BMP5: variants seen among roughly 807,000 people sequenced by gnomAD.
BMP5 encodes the protein bone morphogenetic protein 5.
Under a neutral mutation model 46.6 loss-of-function variants are expected in BMP5, and 23 were observed. The observed-to-expected ratio is 0.49, with a 90% CI of 0.35 to 0.70. The LOEUF (loss-of-function observed/expected upper bound fraction) is 0.70, where lower values mean the gene tolerates loss of function less well. Ranked by LOEUF, BMP5 falls within the 30% of genes least tolerant of loss-of-function variation. BMP5 has a pLI of 0.00. For synonymous variants in BMP5, 204 were observed against 191.9 expected (o/e 1.06, Z -0.52); for missense variants, 545 against 565.6 (o/e 0.96, Z 0.37).
chr6:55,805,071 C>G (rs1041287774), intron 2 of BMP5, among the ~76,000 whole-genome samples: 2 of 152,072 alleles, frequency 1.3e-5, no homozygotes, highest in African/African-American at 4.8e-5. Flanking sequence ...AACTAATATG[C>G]ACTGGATGGG....
intron 2 of BMP5, among the ~76,000 whole-genome samples, chr6:55,804,845 T>G (rs951748663): frequency 2.6e-5 from 4 of 152,158 alleles, no homozygotes; most frequent in Non-Finnish European, 5.9e-5. Context: ...ATTTTTAATG[T>G]GATAATCATG....
At chr6:55,834,402 C>T (rs1387327477) in intron 1 of BMP5, among the ~76,000 whole-genome samples, 1 of 152,006 alleles carries the variant, frequency 6.6e-6, no homozygotes, top group East Asian at 1.9e-4. Flanking sequence ...ATAAGCAAAA[C>T]TAGATATTCA....
intron 2 of BMP5, among the ~76,000 whole-genome samples, chr6:55,810,858 C>T (rs1776115447): frequency 6.6e-6 from 1 of 152,168 alleles, no homozygotes; most frequent in African/African-American, 2.4e-5. Flanking sequence ...CATTACTACT[C>T]CAGCATATCT....
intron 1 of BMP5, among the ~76,000 whole-genome samples, chr6:55,826,684 A>C (rs2127540862): frequency 6.6e-6 from 1 of 151,548 alleles, no homozygotes; most frequent in South Asian, 2.1e-4. Flanking sequence ...TATATTTAAT[A>C]ATTAAATTAA....
At chr6:55,786,934 A>G (rs1210809982) in intron 3 of BMP5, among the ~76,000 whole-genome samples, 1 of 151,768 alleles carries the variant, frequency 6.6e-6, no homozygotes, top group Admixed American at 6.6e-5. Flanking sequence ...AGGAAATATT[A>G]TCAAATCTTA....
chr6:55,780,504 T>C (rs1291030081), intron 3 of BMP5, among the ~76,000 whole-genome samples: 1 of 117,276 alleles, frequency 8.5e-6, no homozygotes, highest in African/African-American at 3.0e-5. Context: ...GAAAGAAACG[T>C]GGTTACAACT....
intron 1 of BMP5, among the ~76,000 whole-genome samples, chr6:55,845,712 A>T (rs1777082151): frequency 6.6e-6 from 1 of 151,982 alleles, no homozygotes. Flanking sequence ...AGAGGTTGTG[A>T]TGCTTCTCCC....
intron 3 of BMP5, among the ~76,000 whole-genome samples, chr6:55,774,639 A>G (rs2127521450): frequency 6.6e-6 from 1 of 152,112 alleles, no homozygotes; most frequent in East Asian, 1.9e-4. Flanking sequence ...TTAAGTTATA[A>G]AAGCCGAATA....
chr6:55,857,303 A>G lies in BMP5; in HGVS notation c.490+17073T>C, dbSNP rs75246965. Among the ~76,000 whole-genome samples the G allele has an allele frequency of 6.8e-3, 1,041 of 152,324 alleles. 13 individuals carry two copies. The highest frequency in any genetic ancestry group is 0.024 in the African/African-American group (1,007 of 41,580). On this transcript the variant is annotated intron_variant, in intron 1 of 6. Coordinates refer to ENST00000370830, the MANE Select transcript of BMP5 (RefSeq NM_021073.4). ...TGCTATGATACAGTATTGAGACTCAAAAAGTTATTATGTATGATTATAAAA... is the reference window on the plus strand; with the variant it reads ...TGCTATGATACAGTATTGAGACTCAGAAAGTTATTATGTATGATTATAAAA...
intron 3 of BMP5, among the ~76,000 whole-genome samples, chr6:55,774,714 T>C (rs566563803): frequency 6.6e-6 from 1 of 152,100 alleles, no homozygotes; most frequent in Non-Finnish European, 1.5e-5. Flanking sequence ...TTAGTGGTGA[T>C]AGCCTTTCCA....
intron 4 of BMP5, among the ~76,000 whole-genome samples, chr6:55,773,150 G>A (rs1214934923): frequency 1.3e-5 from 2 of 151,864 alleles, no homozygotes; most frequent in Non-Finnish European, 2.9e-5. Flanking sequence ...GCCTGGCAGA[G>A]TGCTATGCAT....
chr6:55,755,640 CACA>C lies in BMP5; in HGVS notation c.1255_1257del (p.Cys419del). ...GAGATGGCATTTAATTTGGTTGGAG[CACA>C]ACAAGGCTTTGGTACGTGGTCAGGA... On this transcript the variant is annotated inframe_deletion, in exon 7 of 7. Coordinates refer to ENST00000370830, the MANE Select transcript of BMP5 (RefSeq NM_021073.4). The C allele has an allele frequency of 6.2e-7, 1 of 1,612,318 alleles. No homozygotes were observed. Among genetic ancestry groups the C allele is most frequent in the Non-Finnish European group, 8.5e-7 (1 of 1,178,872 alleles).
chr6:55,806,776 G>T (rs1265991867), intron 2 of BMP5, among the ~76,000 whole-genome samples: 1 of 152,086 alleles, frequency 6.6e-6, no homozygotes, highest in African/African-American at 2.4e-5. Flanking sequence ...CCTTGAAGAG[G>T]TCCTTCACAT....
At chr6:55,776,849 A>C (rs1392429146) in intron 3 of BMP5, among the ~76,000 whole-genome samples, 1 of 151,908 alleles carries the variant, frequency 6.6e-6, no homozygotes, top group Non-Finnish European at 1.5e-5. Flanking sequence ...AAAGACTTTC[A>C]ATATTTTAAT....
At chr6:55,830,342 C>T (rs1225571459) in intron 1 of BMP5, among the ~76,000 whole-genome samples, 1 of 152,016 alleles carries the variant, frequency 6.6e-6, no homozygotes, top group Non-Finnish European at 1.5e-5. Context: ...TCTCAGTTCA[C>T]AGAGTATTCA....
chr6:55,818,163 G>T (rs1238161624), intron 2 of BMP5, among the ~76,000 whole-genome samples: 1 of 151,906 alleles, frequency 6.6e-6, no homozygotes, highest in Non-Finnish European at 1.5e-5. Context: ...CTCCTTTTGG[G>T]TTCTGGTTGT....
In BMP5 at chr6:55,794,403, GTC is replaced by G; in HGVS notation, c.706_707del (p.Asp236HisfsTer15). 1 of 1,613,874 alleles carries G rather than the reference GTC, an allele frequency of 6.2e-7. No homozygotes were observed. The highest frequency in any genetic ancestry group is 8.5e-7 in the Non-Finnish European group (1 of 1,179,862). On this transcript the variant is annotated frameshift_variant, in exon 3 of 7. Transcript: ENST00000370830. LOFTEE classifies it high-confidence loss of function. The part of the protein sequence containing the change: ...TNRDADLFLL[D>X]TRKAQALDVG... Reference sequence around the variant, plus strand: ...CATCTAAAGCTTGGGCCTTTCTTGTGTCTAACAAGAACAGATCTGCATCCCTA... The same window carrying G: ...CATCTAAAGCTTGGGCCTTTCTTGTGTAACAAGAACAGATCTGCATCCCTA...
At chr6:55,844,824 AAAGT>A (rs964890534) in intron 1 of BMP5, among the ~76,000 whole-genome samples, 2 of 152,006 alleles carry the variant, frequency 1.3e-5, no homozygotes, top group African/African-American at 4.8e-5. Context: ...ATCTAGAAAA[AAAGT>A]AATAATGTTG....
intron 2 of BMP5, among the ~76,000 whole-genome samples, chr6:55,811,307 G>A (rs1776129192): frequency 6.6e-6 from 1 of 152,162 alleles, no homozygotes; most frequent in African/African-American, 2.4e-5. Context: ...CATCGAGCAG[G>A]CTAGCTTAAA....
Sources: allele counts gnomAD v4.1 joint callset (sites outside exome capture counted in the v4.1 genomes callset), GRCh38; gene constraint gnomAD v4.1.1; transcripts MANE v1.5; gene names NCBI Gene and HGNC (gene_info 2026-07-23, HGNC 2026-07-21).